Variants in SYNPR observed in about 807,000 individuals in gnomAD.
SYNPR encodes the protein synaptoporin.
Under a neutral mutation model 32.9 loss-of-function variants are expected in SYNPR, and 23 were observed. The ratio of observed to expected loss-of-function variants is 0.70; its 90% CI spans 0.50 to 0.99. SYNPR has a LOEUF of 0.99. Ranked by LOEUF, SYNPR falls within the 50% of genes least tolerant of loss-of-function variation. The probability of loss-of-function intolerance (pLI) is 0.00; values close to 1 mark genes in which losing one functional copy is unlikely to be tolerated. For missense variants in SYNPR, 318 were observed against 349.3 expected, an observed-to-expected ratio of 0.91 and a Z score of 0.71; for synonymous variants, 146 against 135.9, an observed-to-expected ratio of 1.07 and a Z score of -0.52.
At chr3:63,262,954 A>G (rs2086452033) in intron 2 of SYNPR, among the ~76,000 whole-genome samples, 1 of 152,174 alleles carries the variant, frequency 6.6e-6, no homozygotes, top group Admixed American at 6.5e-5. Flanking sequence ...ATAAAATTGG[A>G]TAAGAGAAGA....
At chr3:63,255,302 C>T (rs1027439075) in intron 2 of SYNPR, among the ~76,000 whole-genome samples, 2 of 152,040 alleles carry the variant, frequency 1.3e-5, no homozygotes, top group Admixed American at 1.3e-4. Flanking sequence ...AGCTTTCAAC[C>T]CTGCCACAAC....
At chr3:63,379,900 A>G (rs1200219865) in intron 2 of SYNPR, among the ~76,000 whole-genome samples, 2 of 150,888 alleles carry the variant, frequency 1.3e-5, no homozygotes, top group Non-Finnish European at 2.9e-5. Context: ...AAGTGTTCTC[A>G]TTGTTCAATT....
At chr3:63,554,538 C>T (rs1287739969) in intron 3 of SYNPR, among the ~76,000 whole-genome samples, 2 of 152,092 alleles carry the variant, frequency 1.3e-5, no homozygotes, top group African/African-American at 4.8e-5. Context: ...GGTTTTATTT[C>T]TGAGTTTTTT....
In SYNPR at chr3:63,332,742, C is replaced by T. The variant is rs1437218497; in HGVS notation, c.84+54000C>T. On this transcript the variant is annotated intron_variant, in intron 2 of 5. Coordinates refer to ENST00000478300, the MANE Select transcript of SYNPR (RefSeq NM_001130003.2). ...GCCCAGAGTGGTTTAGTGACTTCCC[C>T]AAAGTCACCCAGCTATTTGGTGACG... Among the ~76,000 whole-genome samples the T allele has an allele frequency of 2.6e-5, 4 of 152,152 alleles. 1 individual carries two copies. In the South Asian group the frequency reaches 6.2e-4, roughly 24 times the overall value.
chr3:63,467,472 G>C (rs1361296491), intron 2 of SYNPR, among the ~76,000 whole-genome samples: 1 of 152,166 alleles, frequency 6.6e-6, no homozygotes, highest in East Asian at 1.9e-4. Context: ...CTTTATCTGT[G>C]TGGCCTTGGA....
chr3:63,460,908 C>T (rs916329951), intron 2 of SYNPR, among the ~76,000 whole-genome samples: 1 of 151,980 alleles, frequency 6.6e-6, no homozygotes, highest in Non-Finnish European at 1.5e-5. Context: ...TGATAGTGGC[C>T]TGAACTAAGG....
intron 3 of SYNPR, among the ~76,000 whole-genome samples, chr3:63,552,053 A>T (rs545399864): frequency 2.0e-5 from 3 of 151,918 alleles, no homozygotes; most frequent in Admixed American, 2.0e-4. Flanking sequence ...GCCCGCCACC[A>T]TGTCTGGCTA....
chr3:63,207,209 C>T, the SYNPR span, among the ~76,000 whole-genome samples: 1 of 152,338 alleles, frequency 6.6e-6, no homozygotes, highest in African/African-American at 2.4e-5. Context: ...GGAGGATCAA[C>T]AAATTTCACT....
At position 63,321,869 on chromosome 3, in the gene SYNPR, C is replaced by G. The variant is rs571897681; in HGVS notation, c.84+43127C>G. Among the ~76,000 whole-genome samples, 160 of 152,162 alleles carry G rather than the reference C, an allele frequency of 1.1e-3. 1 individual carries two copies. Among genetic ancestry groups the G allele is most frequent in the African/African-American group, 3.8e-3 (157 of 41,552 alleles). On this transcript the variant is annotated intron_variant, in intron 2 of 5. Coordinates refer to ENST00000478300, the MANE Select transcript of SYNPR (RefSeq NM_001130003.2). Reference sequence around the variant, plus strand: ...CGTACATTATAAAGCTCCCAATGGGCCTTCTGAGGTTTCCCTTGAAGAGGT... The same window carrying G: ...CGTACATTATAAAGCTCCCAATGGGGCTTCTGAGGTTTCCCTTGAAGAGGT...
At chr3:63,447,312 T>C (rs748791459) in intron 2 of SYNPR, among the ~76,000 whole-genome samples, 2 of 152,184 alleles carry the variant, frequency 1.3e-5, no homozygotes, top group Non-Finnish European at 2.9e-5. Context: ...GAGGGGTGAC[T>C]AAATTCCAAA....
chr3:63,203,068 G>GTGTGTATGTATATATATATATATA, the SYNPR span: 22 of 108,542 alleles, frequency 2.0e-4, no homozygotes, highest in African/African-American at 1.0e-3. Flanking sequence ...ATATGTATGT[G>GTGTGTATGTATATATATATATATA]TATATATATA....
chr3:63,548,195 A>AT (rs1331489041), intron 3 of SYNPR, among the ~76,000 whole-genome samples: 5 of 152,210 alleles, frequency 3.3e-5, no homozygotes, highest in African/African-American at 1.2e-4. Flanking sequence ...CTTGAGCATA[A>AT]TGGAGAAGTC....
At chr3:63,394,155 G>A (rs1423700032) in intron 2 of SYNPR, among the ~76,000 whole-genome samples, 1 of 152,146 alleles carries the variant, frequency 6.6e-6, no homozygotes, top group Admixed American at 6.5e-5. Context: ...ACTTCCAAAT[G>A]AGCTTTGGAA....
intron 4 of SYNPR, among the ~76,000 whole-genome samples, chr3:63,564,074 T>A (rs1338609090): frequency 6.6e-6 from 1 of 151,926 alleles, no homozygotes; most frequent in Non-Finnish European, 1.5e-5. Flanking sequence ...AACAGTGTAT[T>A]TGATGATAAA....
At chr3:63,592,247 C>T (rs62250834) in intron 4 of SYNPR, among the ~76,000 whole-genome samples, 40,497 of 152,078 alleles carry the variant, frequency 0.27, 5,764 homozygotes, top group South Asian at 0.44. Flanking sequence ...GCCCTGCTAA[C>T]ACTTCGGTTT....
chr3:63,227,435 G>A (rs575033579), upstream of SYNPR, among the ~76,000 whole-genome samples: 5 of 152,290 alleles, frequency 3.3e-5, no homozygotes, highest in South Asian at 8.3e-4. Flanking sequence ...CAGAGAGAGA[G>A]TATATTACAG....
chr3:63,375,768 T>G (rs2107060238), intron 2 of SYNPR, among the ~76,000 whole-genome samples: 1 of 152,272 alleles, frequency 6.6e-6, no homozygotes, highest in East Asian at 1.9e-4. Context: ...CTCCTACTTT[T>G]AAAAATTACT....
intron 2 of SYNPR, among the ~76,000 whole-genome samples, chr3:63,356,688 C>T (rs940013948): frequency 1.9e-4 from 29 of 152,194 alleles, no homozygotes; most frequent in African/African-American, 7.0e-4. Flanking sequence ...GTCACACTCA[C>T]CTTTCCGGTC....
upstream of SYNPR, among the ~76,000 whole-genome samples, chr3:63,226,102 C>A (rs2086126163): frequency 6.6e-6 from 1 of 152,128 alleles, no homozygotes; most frequent in African/African-American, 2.4e-5. Flanking sequence ...TGTTCAACAT[C>A]CCTGATAATT....
Sources: allele counts gnomAD v4.1 joint callset (sites outside exome capture counted in the v4.1 genomes callset), GRCh38; gene constraint gnomAD v4.1.1; transcripts MANE v1.5; gene names NCBI Gene and HGNC (gene_info 2026-07-23, HGNC 2026-07-21).